The following BMPR1B variants were observed in gnomAD, a reference collection of about 807,000 sequenced individuals.
BMPR1B encodes bone morphogenetic protein receptor type-1B.
BMPR1B carries 12 observed loss-of-function variants against 59.1 expected under a neutral mutation model. The observed-to-expected ratio is 0.20, with a 90% CI of 0.13 to 0.33. The LOEUF (loss-of-function observed/expected upper bound fraction) is 0.33, where lower values mean the gene tolerates loss of function less well. Among genes scored for constraint, BMPR1B ranks in the 10% least tolerant of loss-of-function variants. The pLI, the probability that BMPR1B is intolerant of heterozygous loss-of-function variation, is 1.00. For missense variants in BMPR1B, 550 were observed against 610.9 expected, an observed-to-expected ratio of 0.90 and a Z score of 1.05; for synonymous variants, 237 against 207.3, an observed-to-expected ratio of 1.14 and a Z score of -1.23.
At chr4:94,936,242 A>AT (rs1240315763) in intron 2 of BMPR1B, among the ~76,000 whole-genome samples, 2 of 152,158 alleles carry the variant, frequency 1.3e-5, no homozygotes, top group Admixed American at 6.5e-5. Flanking sequence ...TCATAAAATG[A>AT]TTTTTTATGC....
intron 2 of BMPR1B, among the ~76,000 whole-genome samples, chr4:94,946,100 A>C (rs1729699983): frequency 6.6e-6 from 1 of 152,150 alleles, no homozygotes; most frequent in African/African-American, 2.4e-5. Context: ...GAATAACAAT[A>C]ATCTTGCAAA....
At chr4:95,009,711 G>T (rs1051628157) in intron 3 of BMPR1B, among the ~76,000 whole-genome samples, 16 of 152,084 alleles carry the variant, frequency 1.1e-4, no homozygotes, top group African/African-American at 3.9e-4. Flanking sequence ...TATCTGAGGG[G>T]CCCTTCATAG....
At chr4:94,974,751 C>T (rs573860109) in intron 2 of BMPR1B, among the ~76,000 whole-genome samples, 5 of 152,176 alleles carry the variant, frequency 3.3e-5, no homozygotes, top group African/African-American at 1.2e-4. Context: ...TTGTATGTCC[C>T]CAAATCTCCT....
intron 1 of BMPR1B, among the ~76,000 whole-genome samples, chr4:94,779,857 T>A (rs566413055): frequency 6.6e-6 from 1 of 152,018 alleles, no homozygotes; most frequent in East Asian, 1.9e-4. Context: ...AAAAAAAGGA[T>A]GTTCTCTTAT....
chr4:94,845,343 CTTT>C (rs33971989), intron 1 of BMPR1B, among the ~76,000 whole-genome samples: 234 of 142,458 alleles, frequency 1.6e-3, no homozygotes, highest in Non-Finnish European at 1.5e-3. Flanking sequence ...CAAGGAAATT[CTTT>C]TTTTTTTTTT....
At chr4:94,908,303 A>G (rs1266256993) in intron 2 of BMPR1B, among the ~76,000 whole-genome samples, 1 of 151,430 alleles carries the variant, frequency 6.6e-6, no homozygotes, top group Non-Finnish European at 1.5e-5. Flanking sequence ...TATGTGTCTG[A>G]TATTTTATAC....
chr4:95,104,297 TTAAG>T lies in BMPR1B; in HGVS notation c.-17-108_-17-105del, dbSNP rs1579084333. 9.5e-6 allele frequency: 12 copies of T among 1,263,302 alleles called. No individual in the cohort carries two copies. The East Asian group carries it at 3.0e-4, about 32-fold the overall frequency. 78.3% of individuals were successfully genotyped at this position (1,263,302 alleles called of 1,614,324 possible). ...AATGTCTGTTTTTCTGTTTAAATCT[TTAAG>T]TATCTTGAATACTTCATTTTAAAAT... On this transcript the variant is annotated intron_variant, in intron 3 of 12. Transcript: ENST00000515059.
intron 2 of BMPR1B, among the ~76,000 whole-genome samples, chr4:94,895,770 A>G (rs533006835): frequency 6.6e-6 from 1 of 151,992 alleles, no homozygotes; most frequent in South Asian, 2.1e-4. Flanking sequence ...GGTTATTAGA[A>G]TCATCTTGTT....
At chr4:95,140,703 G>A (rs1441197318) in intron 10 of BMPR1B, among the ~76,000 whole-genome samples, 2 of 152,090 alleles carry the variant, frequency 1.3e-5, no homozygotes, top group Admixed American at 6.5e-5. Context: ...CAGGATACAT[G>A]CCAGCTTAAT....
intron 1 of BMPR1B, among the ~76,000 whole-genome samples, chr4:94,803,474 A>G (rs1166103914): frequency 6.6e-6 from 1 of 152,174 alleles, no homozygotes; most frequent in African/African-American, 2.4e-5. Flanking sequence ...ACTGTTGAGA[A>G]GTGGAGAGTT....
At position 95,119,248 on chromosome 4, in the gene BMPR1B, TTTAAG is replaced by T. The variant is rs552454984; in HGVS notation, c.349+3469_349+3473del. 3.6e-4 allele frequency among the ~76,000 whole-genome samples: 55 copies of T among 152,328 alleles called. No individual in the cohort carries two copies. In the South Asian group the frequency reaches 8.9e-3, roughly 25 times the overall value. On this transcript the variant is annotated intron_variant, in intron 6 of 12. Transcript: ENST00000515059. ...CGTTATCTTTAAAATTGGAAATGCA[TTTAAG>T]TTAAGTTTCCAGTCGCAGTCTTAAC... is the stretch of plus-strand genomic sequence containing the variant.
In BMPR1B at chr4:95,104,583, G is replaced by T. The variant is rs762767466; in HGVS notation, c.143+16G>T. 1 of 1,612,836 alleles carries T rather than the reference G, an allele frequency of 6.2e-7. No individual in the cohort carries two copies. The highest frequency in any genetic ancestry group is 1.3e-5 in the African/African-American group (1 of 74,830). On this transcript the variant is annotated intron_variant, in intron 4 of 12. Coordinates refer to ENST00000515059, the MANE Select transcript of BMPR1B (RefSeq NM_001203.3). ...ATATTTGCAGGTTGGTGATATAAAT[G>T]ATTTAAAGCTAGCTTTAACAAAAAG...
chr4:95,130,723 C>CTTTT (rs148720302), intron 9 of BMPR1B, among the ~76,000 whole-genome samples: 176 of 77,890 alleles, frequency 2.3e-3, no homozygotes, highest in African/African-American at 4.5e-3. Context: ...CTTTTCTTTT[C>CTTTT]TTTTTTTTTT....
At chr4:94,982,290 G>A (rs1043087753) in intron 2 of BMPR1B, among the ~76,000 whole-genome samples, 5 of 149,902 alleles carry the variant, frequency 3.3e-5, no homozygotes, top group African/African-American at 7.3e-5. Flanking sequence ...ATCCAAAGGT[G>A]TATTGCCTTT....
intron 3 of BMPR1B, among the ~76,000 whole-genome samples, chr4:95,083,249 C>G (rs1483098576): frequency 6.6e-6 from 1 of 151,520 alleles, no homozygotes; most frequent in East Asian, 1.9e-4. Flanking sequence ...TTTGCTTGAC[C>G]ACACCAAAAG....
intron 1 of BMPR1B, among the ~76,000 whole-genome samples, chr4:94,829,221 G>T (rs1560504019): frequency 6.6e-6 from 1 of 151,848 alleles, no homozygotes; most frequent in South Asian, 2.1e-4. Flanking sequence ...AGGGAGGCGT[G>T]CTTTTATCCT....
At chr4:95,135,536 A>G (rs919892862) in intron 10 of BMPR1B, among the ~76,000 whole-genome samples, 1 of 152,022 alleles carries the variant, frequency 6.6e-6, no homozygotes, top group East Asian at 1.9e-4. Flanking sequence ...CTTTTATTTC[A>G]TTGAGCAGTG....
intron 3 of BMPR1B, among the ~76,000 whole-genome samples, chr4:95,035,624 G>T (rs1725183254): frequency 6.6e-6 from 1 of 152,070 alleles, no homozygotes; most frequent in Admixed American, 6.6e-5. Flanking sequence ...TCTCTATTCT[G>T]TTCCATTGGT....
intron 3 of BMPR1B, among the ~76,000 whole-genome samples, chr4:95,067,879 C>T (rs7663284): frequency 0.028 from 4,266 of 152,076 alleles, 160 homozygotes; most frequent in African/African-American, 0.098. Flanking sequence ...ACTTTGGGAA[C>T]GGATAGGTGT....
Sources: gnomAD v4.1 joint callset for allele counts (sites outside exome capture counted in the v4.1 genomes callset) on GRCh38, gnomAD v4.1.1 for gene constraint, MANE v1.5 for transcripts, NCBI Gene and HGNC (gene_info 2026-07-23, HGNC 2026-07-21) for gene names.